SH3BGRL3: variants seen among roughly 807,000 people sequenced by gnomAD.
The protein encoded by SH3BGRL3 is SH3 domain binding glutamate rich protein like 3, also known as SH3 domain-binding glutamic acid-rich-like protein 3.
SH3BGRL3 carries 8 observed loss-of-function variants against 11.9 expected under a neutral mutation model. The ratio of observed to expected loss-of-function variants is 0.67; its 90% confidence interval spans 0.40 to 1.22. The LOEUF (loss-of-function observed/expected upper bound fraction) is 1.22, where lower values mean the gene tolerates loss of function less well. SH3BGRL3 is among the 50% of genes most tolerant of loss of function. The pLI is 0.01. For synonymous variants in SH3BGRL3, 55 were observed against 52.3 expected, an observed-to-expected ratio of 1.05 and a Z score of -0.22; for missense variants, 119 against 120.1, an observed-to-expected ratio of 0.99 and a Z score of 0.04.
Position 26,280,221 on chromosome 1 carries a change from C to G in SH3BGRL3, c.48+18C>G. On this transcript the variant is annotated intron_variant, in intron 1 of 2. Transcript: ENST00000270792. ...CCCGCGAAGTAAGTGCGCGCCCGGA[C>G]TGGCGCTGGGGGAAAGCGCAGGGCT... 1 of 1,513,528 alleles carries G rather than the reference C, an allele frequency of 6.6e-7. No homozygotes were observed. The highest frequency in any genetic ancestry group is 8.8e-7 in the Non-Finnish European group (1 of 1,134,012). The allele number at this position is 1,513,528 out of a possible 1,614,324, so 93.8% of individuals were successfully genotyped here.
At position 26,280,951 on chromosome 1, in the gene SH3BGRL3, G is replaced by A. The variant is rs375485980; in HGVS notation, c.216+19G>A. The A allele has an allele frequency of 3.4e-4, 539 of 1,597,410 alleles. 7 individuals are homozygous for A. The South Asian group carries it at 5.7e-3, about 17-fold the overall frequency. On this transcript the variant is annotated intron_variant, in intron 2 of 2. Transcript: ENST00000270792. ...CTGTGGGGTATGGGCTGGGGGACGG[G>A]GGGGTGGGGGGAGTGTTGGAAGAGG...
chr1:26,281,028 G>C (rs1376056029), intron 2 of SH3BGRL3, 30 bp from the exon 3 acceptor site: 1 of 1,612,576 alleles, frequency 6.2e-7, no homozygotes, highest in Non-Finnish European at 8.5e-7. Context: ...CCTGCATTCA[G>C]GTGACCACCC....
intron 1 of SH3BGRL3, among the ~76,000 whole-genome samples, chr1:26,280,513 T>TCCCCA: frequency 1.5e-5 from 1 of 68,200 alleles, no homozygotes; most frequent in East Asian, 4.5e-4. Context: ...TCCCCTCCCC[T>TCCCCA]CCCCACCCTG....
chr1:26,281,043 C>T lies in SH3BGRL3; in HGVS notation c.217-15C>T. On this transcript the variant is annotated splice_polypyrimidine_tract_variant and intron_variant, in intron 2 of 2. Transcript: ENST00000270792. ...CCTGCATTCAGGTGACCACCCCTCG[C>T]CTCCCCTTCTCCAGGACTATGAGCT... 6.2e-7 allele frequency: 1 copy of T among 1,613,596 alleles called. No homozygotes were observed. Among genetic ancestry groups the T allele is most frequent in the Non-Finnish European group, 8.5e-7 (1 of 1,179,692 alleles).
At chr1:26,280,956 T>TGGGGGGGGGGGGCGGGGGGGGG in intron 2 of SH3BGRL3, 24 bp downstream of exon 2, 2 of 764,926 alleles carry the variant, frequency 2.6e-6, no homozygotes, top group Non-Finnish European at 4.3e-6. Flanking sequence ...GACGGGGGGG[T>TGGGGGGGGGGGGCGGGGGGGGG]GGGGGGAGTG....
Position 26,280,129 on chromosome 1 carries a change from C to A in SH3BGRL3, c.-27C>A. ...AGCTGCCGCTACCGCCGCCCTCTGCCCGCCGGCCCGTCTGTCTACCCCCAG... is the reference window on the plus strand; with the variant it reads ...AGCTGCCGCTACCGCCGCCCTCTGCACGCCGGCCCGTCTGTCTACCCCCAG... On this transcript the variant is annotated 5_prime_UTR_variant, in exon 1 of 3. Coordinates refer to ENST00000270792, the MANE Select transcript of SH3BGRL3 (RefSeq NM_031286.4). 1 of 1,556,562 alleles carries A rather than the reference C, an allele frequency of 6.4e-7. No individual in the cohort carries two copies. Among genetic ancestry groups the A allele is most frequent in the Non-Finnish European group, 8.7e-7 (1 of 1,151,588 alleles).
intron 2 of SH3BGRL3, 53 bp downstream of exon 2, chr1:26,280,985 C>A: frequency 6.2e-7 from 1 of 1,608,126 alleles, no homozygotes; most frequent in Non-Finnish European, 8.5e-7. Context: ...GGACTCTAGC[C>A]AGGGTCATAT....
rs1232554742 is a variant in SH3BGRL3 at position 26,281,324 on chromosome 1, C to T, written c.*201C>T. 1.8e-6 allele frequency: 1 copy of T among 541,544 alleles called. No individual in the cohort carries two copies. The highest frequency in any genetic ancestry group is 2.9e-5 in the East Asian group (1 of 33,912). The allele number at this position is 541,544 out of a possible 1,614,324, so 33.5% of individuals were successfully genotyped here. A position where few individuals can be genotyped will look rare whatever the true frequency, so the allele number is the denominator to read the frequency against. On this transcript the variant is annotated 3_prime_UTR_variant, in exon 3 of 3. Coordinates refer to ENST00000270792, the MANE Select transcript of SH3BGRL3 (RefSeq NM_031286.4). ...CCATCTAAAGGCAACATTCCTTACC[C>T]ATTAGTCTCAGAAATTGTCTTAAGC...
In SH3BGRL3 at chr1:26,280,289, A is replaced by G. The variant is rs2072954309; in HGVS notation, c.48+86A>G. 6 of 1,389,938 alleles carry G rather than the reference A, an allele frequency of 4.3e-6. No homozygotes were observed. In the Admixed American group the frequency reaches 9.9e-5, roughly 23 times the overall value. The allele number at this position is 1,389,938 out of a possible 1,614,324, so 86.1% of individuals were successfully genotyped here. On this transcript the variant is annotated intron_variant, in intron 1 of 2. Transcript: ENST00000270792. ...ACCCTAGCGCCCGGGACCCACCCCCAGGACGGGGGCGGGGTGGGGGGAGTG... is the reference window on the plus strand; with the variant it reads ...ACCCTAGCGCCCGGGACCCACCCCCGGGACGGGGGCGGGGTGGGGGGAGTG...
chr1:26,281,229 T>C lies in SH3BGRL3; in HGVS notation c.*106T>C. On this transcript the variant is annotated 3_prime_UTR_variant, in exon 3 of 3. Transcript: ENST00000270792. ...GACCAACTCCCTGTCATTCCTAACCTAACCTTAGAGTCCCTCCCCCAATGC... is the reference window on the plus strand; with the variant it reads ...GACCAACTCCCTGTCATTCCTAACCCAACCTTAGAGTCCCTCCCCCAATGC... The C allele has an allele frequency of 7.1e-6, 8 of 1,129,754 alleles. No individual in the cohort carries two copies. Among genetic ancestry groups the C allele is most frequent in the Non-Finnish European group, 8.9e-6 (7 of 784,388 alleles). The allele number at this position is 1,129,754 out of a possible 1,614,324, so 70.0% of individuals were successfully genotyped here. A position where few individuals can be genotyped will look rare whatever the true frequency, so the allele number is the denominator to read the frequency against.
At chr1:26,280,305 G>C in intron 1 of SH3BGRL3, 102 bp downstream of exon 1, 1 of 1,334,606 alleles carries the variant, frequency 7.5e-7, no homozygotes, top group Non-Finnish European at 9.9e-7. Context: ...GGGGCGGGGT[G>C]GGGGGAGTGC....
Position 26,281,213 on chromosome 1 carries a change from CCT to C in SH3BGRL3, c.*91_*92del, listed in dbSNP as rs1430536198. ...CCATGAAGGACCTTTTGACCAACTC[CCT>C]GTCATTCCTAACCTAACCTTAGAGT... is the stretch of plus-strand genomic sequence containing the variant. On this transcript the variant is annotated 3_prime_UTR_variant, in exon 3 of 3. Transcript: ENST00000270792. The C allele has an allele frequency of 2.3e-6, 3 of 1,277,540 alleles. No individual in the cohort carries two copies. The highest frequency in any genetic ancestry group is 1.5e-5 in the African/African-American group (1 of 67,688). The allele number at this position is 1,277,540 out of a possible 1,614,324, so 79.1% of individuals were successfully genotyped here. A position where few individuals can be genotyped will look rare whatever the true frequency, so the allele number is the denominator to read the frequency against.
chr1:26,280,948 CGG>C lies in SH3BGRL3; in HGVS notation c.216+22_216+23del. On this transcript the variant is annotated intron_variant, in intron 2 of 2. Coordinates refer to ENST00000270792, the MANE Select transcript of SH3BGRL3 (RefSeq NM_031286.4). Reference sequence around the variant, plus strand: ...GTACTGTGGGGTATGGGCTGGGGGACGGGGGGGTGGGGGGAGTGTTGGAAGAG... The same window carrying C: ...GTACTGTGGGGTATGGGCTGGGGGACGGGGGTGGGGGGAGTGTTGGAAGAG... 1 of 685,594 alleles carries C rather than the reference CGG, an allele frequency of 1.5e-6. No homozygotes were observed. The allele number at this position is 685,594 out of a possible 1,614,324, so 42.5% of individuals were successfully genotyped here.
rs1386290693 is a variant in SH3BGRL3 at position 26,280,161 on chromosome 1, C to T, written c.6C>T (p.Ser2=). 9 of 1,564,664 alleles carry T rather than the reference C, an allele frequency of 5.8e-6. No individual in the cohort carries two copies. The highest frequency in any genetic ancestry group is 7.8e-6 in the Non-Finnish European group (9 of 1,157,280). M[S]GLRVYSTSVT... ...CCCGTCTGTCTACCCCCAGCATGAG[C>T]GGCCTGCGCGTCTACAGCACGTCGG... The change falls in exon 1 of 3, where the codon AGC becomes AGT. Residue 2 remains serine (S), a synonymous_variant. Coordinates refer to ENST00000270792, the MANE Select transcript of SH3BGRL3 (RefSeq NM_031286.4).
Position 26,280,192 on chromosome 1 carries a change from G to C in SH3BGRL3, c.37G>C (p.Gly13Arg), listed in dbSNP as rs771796322. ...GCGCGTCTACAGCACGTCGGTCACC[G>C]GCTCCCGCGAAGTAAGTGCGCGCCC... ...GLRVYSTSVT[G>R]SREIKSQQSE... is the part of the protein sequence containing the mutation. The change falls in exon 1 of 3, where the codon GGC becomes CGC. Residue 13 changes from glycine (G) to arginine (R), a missense_variant. Coordinates refer to ENST00000270792, the MANE Select transcript of SH3BGRL3 (RefSeq NM_031286.4). The C allele has an allele frequency of 1.3e-6, 2 of 1,550,844 alleles. No individual in the cohort carries two copies. The highest frequency in any genetic ancestry group is 1.7e-6 in the Non-Finnish European group (2 of 1,151,846).
At position 26,280,201 on chromosome 1, in the gene SH3BGRL3, G is replaced by T. The variant is rs1557675506; in HGVS notation, c.46G>T (p.Glu16Ter). The T allele has an allele frequency of 6.5e-7, 1 of 1,544,120 alleles. No individual in the cohort carries two copies. Among genetic ancestry groups the T allele is most frequent in the South Asian group, 1.2e-5 (1 of 83,438 alleles). The change falls in exon 1 of 3, where the codon GAA becomes TAA. Residue 16 changes from glutamate to a stop codon, truncating the protein, a stop_gained and splice_region_variant. Transcript: ENST00000270792. LOFTEE classifies it high-confidence loss of function. ...VYSTSVTGSR[E>*]IKSQQSEVTR... ...CAGCACGTCGGTCACCGGCTCCCGCGAAGTAAGTGCGCGCCCGGACTGGCG... is the reference window on the plus strand; with the variant it reads ...CAGCACGTCGGTCACCGGCTCCCGCTAAGTAAGTGCGCGCCCGGACTGGCG...
chr1:26,280,866 G>A lies in SH3BGRL3; in HGVS notation c.150G>A (p.Met50Ile). 6.2e-7 allele frequency: 1 copy of A among 1,613,862 alleles called. No individual in the cohort carries two copies. Among genetic ancestry groups the A allele is most frequent in the Non-Finnish European group, 8.5e-7 (1 of 1,179,990 alleles). ...ISQDNALRDE[M>I]RALAGNPKAT... ...AGGACAACGCCCTGAGGGATGAGAT[G>A]CGAGCCTTGGCAGGCAACCCCAAGG... The change falls in exon 2 of 3, where the codon ATG (methionine) becomes ATA (isoleucine). Residue 50 changes from methionine to isoleucine, a missense_variant. Met to Ile is a conservative substitution (Grantham distance 10). Transcript: ENST00000270792.
intron 2 of SH3BGRL3, 54 bp downstream of exon 2, chr1:26,280,986 A>C: frequency 1.2e-6 from 2 of 1,608,514 alleles, no homozygotes; most frequent in Non-Finnish European, 1.7e-6. Context: ...GACTCTAGCC[A>C]GGGTCATATC....
In SH3BGRL3 at chr1:26,280,117, G is replaced by A. The variant is rs759509047; in HGVS notation, c.-39G>A. 4.6e-5 allele frequency: 72 copies of A among 1,549,098 alleles called. No homozygotes were observed. Among genetic ancestry groups the A allele is most frequent in the Middle Eastern group, 3.4e-4 (2 of 5,808 alleles). On this transcript the variant is annotated 5_prime_UTR_variant, in exon 1 of 3. Transcript: ENST00000270792. ...TCCCGGCAGTGCAGCTGCCGCTACC[G>A]CCGCCCTCTGCCCGCCGGCCCGTCT... is the stretch of plus-strand genomic sequence containing the variant.
Sources: gnomAD v4.1 joint callset for allele counts (sites outside exome capture counted in the v4.1 genomes callset) on GRCh38, gnomAD v4.1.1 for gene constraint, MANE v1.5 for transcripts, NCBI Gene and HGNC (gene_info 2026-07-23, HGNC 2026-07-21) for gene names.